The following PCLO variants were observed in gnomAD, a reference collection of about 807,000 sequenced individuals.
The protein encoded by PCLO is protein piccolo.
A neutral mutation model predicts 427.5 loss-of-function variants in PCLO; 82 were observed. The observed-to-expected ratio is 0.19, with a 90% CI of 0.16 to 0.23. PCLO has a LOEUF of 0.23. Among genes scored for constraint, PCLO ranks in the 10% least tolerant of loss-of-function variants. PCLO has a pLI of 1.00. For missense variants in PCLO, 6,239 were observed against 6,115.9 expected (o/e 1.02, Z -0.67); for synonymous variants, 2,357 against 2,155.4 (o/e 1.09, Z -2.59).
intron 6 of PCLO, among the ~76,000 whole-genome samples, chr7:82,925,799 G>A (rs1407208690): frequency 2.2e-5 from 3 of 135,616 alleles, no homozygotes; most frequent in Non-Finnish European, 3.1e-5. Flanking sequence ...GGCTCATCAC[G>A]CCTTGACCTG....
intron 3 of PCLO, among the ~76,000 whole-genome samples, chr7:82,971,275 C>T (rs553015078): frequency 1.3e-3 from 192 of 151,744 alleles, no homozygotes; most frequent in African/African-American, 4.6e-3. Context: ...ATTAACTCTT[C>T]CTGGAACAGT....
intron 3 of PCLO, among the ~76,000 whole-genome samples, chr7:83,099,916 G>T (rs569975830): frequency 6.6e-6 from 1 of 152,134 alleles, no homozygotes; most frequent in East Asian, 1.9e-4. Context: ...TTTTGAAGAG[G>T]TTTATAAGAA....
Position 82,795,611 on chromosome 7 carries a change from C to A in PCLO, c.15007+5907G>T, listed in dbSNP as rs116454045. ...GATTAGCTATCTGTAGATTCTAACT[C>A]TTTTTAATAAGTTGACTATAAAACT... On this transcript the variant is annotated intron_variant, in intron 22 of 24. Transcript: ENST00000333891. Among the ~76,000 whole-genome samples, 423 of 152,154 alleles carry A rather than the reference C, an allele frequency of 2.8e-3. 2 individuals carry two copies. Among genetic ancestry groups the A allele is most frequent in the African/African-American group, 1.0e-2 (415 of 41,538 alleles).
chr7:83,013,760 A>C (rs932675685), intron 3 of PCLO, among the ~76,000 whole-genome samples: 4 of 152,246 alleles, frequency 2.6e-5, no homozygotes, highest in Admixed American at 1.3e-4. Flanking sequence ...TAATGGATTT[A>C]AAATGGAACG....
intron 6 of PCLO, among the ~76,000 whole-genome samples, chr7:82,926,629 T>C (rs1163495475): frequency 6.6e-6 from 1 of 152,162 alleles, no homozygotes; most frequent in Non-Finnish European, 1.5e-5. Flanking sequence ...TGTCCCAGTT[T>C]GTTTTGTTTT....
At position 82,883,833 on chromosome 7, in the gene PCLO, C is replaced by T. The variant is rs370292155; in HGVS notation, c.13529-4371G>A. Among the ~76,000 whole-genome samples, 432 of 152,204 alleles carry T rather than the reference C, an allele frequency of 2.8e-3. 1 individual carries two copies. The highest frequency in any genetic ancestry group is 0.01 in the African/African-American group (417 of 41,534). ...TTCCCCAAGCTGGAGTGCAGTGGTG[C>T]GATCTTGGCCCACTGCAACCTCCGC... On this transcript the variant is annotated intron_variant, in intron 9 of 24. Transcript: ENST00000333891.
chr7:82,905,187 T>C (rs1794157608), intron 8 of PCLO, among the ~76,000 whole-genome samples: 1 of 152,058 alleles, frequency 6.6e-6, no homozygotes, highest in African/African-American at 2.4e-5. Flanking sequence ...TGATTCCTCA[T>C]TGATAGAATT....
chr7:82,923,300 G>A (rs1488767529), intron 6 of PCLO, among the ~76,000 whole-genome samples: 1 of 151,948 alleles, frequency 6.6e-6, no homozygotes, highest in Non-Finnish European at 1.5e-5. Context: ...TTCATTTTGG[G>A]CTAGTGATGC....
Position 82,863,613 on chromosome 7 carries a change from T to C in PCLO, c.13654+15724A>G, listed in dbSNP as rs151004771. Among the ~76,000 whole-genome samples, 490 of 152,124 alleles carry C rather than the reference T, an allele frequency of 3.2e-3. 4 individuals are homozygous for C. Among genetic ancestry groups the C allele is most frequent in the African/African-American group, 0.011 (473 of 41,540 alleles). On this transcript the variant is annotated intron_variant, in intron 10 of 24. Coordinates refer to ENST00000333891, the MANE Select transcript of PCLO (RefSeq NM_033026.6). ...ATATCCTGCAATAATTGATTTTCCA[T>C]TGAAAAATAAGAATTGACTAAGAAG...
intron 3 of PCLO, among the ~76,000 whole-genome samples, chr7:83,057,344 ATATATTTTTTTTTTTTTT>A (rs1415897418): frequency 4.5e-4 from 9 of 19,946 alleles, no homozygotes; most frequent in African/African-American, 1.7e-3. Context: ...ATATATATAT[ATATATTTTTTTTTTTTTT>A]TTTTTTTTTT....
At chr7:83,108,530 T>G (rs1445863353) in intron 3 of PCLO, among the ~76,000 whole-genome samples, 2 of 151,974 alleles carry the variant, frequency 1.3e-5, no homozygotes, top group Non-Finnish European at 2.9e-5. Flanking sequence ...ATTTTAAATA[T>G]AATATTGCTC....
chr7:83,063,503 T>C (rs1789590418), intron 3 of PCLO, among the ~76,000 whole-genome samples: 1 of 152,114 alleles, frequency 6.6e-6, no homozygotes, highest in African/African-American at 2.4e-5. Flanking sequence ...ACATGTGATA[T>C]TCAACTTTTT....
Position 82,755,319 on chromosome 7 carries a change from ATATT to A in PCLO, c.*3252_*3255del, listed in dbSNP as rs1441834430. On this transcript the variant is annotated 3_prime_UTR_variant, in exon 25 of 25. Transcript: ENST00000333891. ...AGATAACTGATGCCCCTTAGTCTTG[ATATT>A]TTAAACTGAAATATAAATAAAGAGT... 1.2e-4 allele frequency: 19 copies of A among 152,274 alleles called. No individual in the cohort carries two copies. The highest frequency in any genetic ancestry group is 4.6e-4 in the African/African-American group (19 of 41,576). The allele number at this position is 152,274 out of a possible 1,614,324, so 9.4% of individuals were successfully genotyped here. A position where few individuals can be genotyped will look rare whatever the true frequency, so the allele number is the denominator to read the frequency against.
At chr7:82,833,864 G>A (rs1792159937) in intron 16 of PCLO, among the ~76,000 whole-genome samples, 1 of 152,128 alleles carries the variant, frequency 6.6e-6, no homozygotes, top group African/African-American at 2.4e-5. Context: ...TGGGAAGGGA[G>A]CTGTTATTAT....
intron 3 of PCLO, among the ~76,000 whole-genome samples, chr7:83,090,716 G>C (rs1251739150): frequency 2.6e-5 from 4 of 152,038 alleles, no homozygotes; most frequent in Non-Finnish European, 5.9e-5. Flanking sequence ...CCATTTTTAA[G>C]ACTAAAATAT....
intron 22 of PCLO, among the ~76,000 whole-genome samples, chr7:82,769,589 C>T (rs930351024): frequency 2.0e-5 from 3 of 151,782 alleles, no homozygotes; most frequent in African/African-American, 7.3e-5. Flanking sequence ...TCTTTAGAGG[C>T]AAGTTTTAAG....
At chr7:83,079,885 C>T (rs1790051804) in intron 3 of PCLO, among the ~76,000 whole-genome samples, 1 of 151,690 alleles carries the variant, frequency 6.6e-6, no homozygotes, top group Non-Finnish European at 1.5e-5. Flanking sequence ...TAACTCACCC[C>T]CCCACAGACC....
intron 1 of PCLO, among the ~76,000 whole-genome samples, chr7:83,157,520 A>G (rs928085598): frequency 1.3e-5 from 2 of 151,910 alleles, no homozygotes; most frequent in African/African-American, 2.4e-5. Context: ...TATACAAGAC[A>G]TATTTTTTAA....
intron 3 of PCLO, among the ~76,000 whole-genome samples, chr7:83,130,136 G>T (rs1167697039): frequency 6.7e-6 from 1 of 149,658 alleles, no homozygotes; most frequent in Non-Finnish European, 1.5e-5. Flanking sequence ...TGTTTTTGTT[G>T]TTGTTGTTGT....
Sources: gnomAD v4.1 joint callset for allele counts (sites outside exome capture counted in the v4.1 genomes callset) on GRCh38, gnomAD v4.1.1 for gene constraint, MANE v1.5 for transcripts, NCBI Gene and HGNC (gene_info 2026-07-23, HGNC 2026-07-21) for gene names.